The following NME7 variants were observed in gnomAD, a reference collection of about 807,000 sequenced individuals.
The protein encoded by NME7 is NME/NM23 family member 7, also known as nucleoside diphosphate kinase 7.
Under a neutral mutation model 49.1 loss-of-function variants are expected in NME7, and 41 were observed. That is an observed-to-expected ratio of 0.83 (90% CI 0.65 to 1.08). NME7 has a LOEUF of 1.08. NME7 is among the 50% of genes least tolerant of loss of function. The probability of loss-of-function intolerance (pLI) is 0.00; values close to 1 mark genes in which losing one functional copy is unlikely to be tolerated. For synonymous variants in NME7, 139 were observed against 150.6 expected (o/e 0.92, Z 0.56); for missense variants, 423 against 463.4 (o/e 0.91, Z 0.80).
rs1425318174 is a variant in NME7 at position 169,256,517 on chromosome 1, C to T, written c.755-18830G>A. On this transcript the variant is annotated intron_variant, in intron 7 of 11. Transcript: ENST00000367811. Reference sequence around the variant, plus strand: ...CTTTGCCTTTGGTTTGAATGCCCTCCAGTAGCTCAGAGTAATTTGATCGTC... The same window carrying T: ...CTTTGCCTTTGGTTTGAATGCCCTCTAGTAGCTCAGAGTAATTTGATCGTC... Among the ~76,000 whole-genome samples the T allele has an allele frequency of 3.8e-5, 5 of 133,224 alleles. 1 individual carries two copies. Among genetic ancestry groups the T allele is most frequent in the African/African-American group, 1.3e-4 (5 of 39,078 alleles). 87.4% of individuals were successfully genotyped at this position (133,224 alleles called of 152,430 possible). A position where few individuals can be genotyped will look rare whatever the true frequency, so the allele number is the denominator to read the frequency against.
At chr1:169,327,436 ATCTTAAAG>A (rs1652100063) in intron 1 of NME7, among the ~76,000 whole-genome samples, 1 of 152,196 alleles carries the variant, frequency 6.6e-6, no homozygotes, top group Admixed American at 6.5e-5. Context: ...TGTTCCAGAA[ATCTTAAAG>A]TCTTAAAGGA....
At chr1:169,160,423 T>C (rs1659210945) in intron 11 of NME7, among the ~76,000 whole-genome samples, 2 of 152,156 alleles carry the variant, frequency 1.3e-5, no homozygotes, top group South Asian at 2.1e-4. Flanking sequence ...ACTTTCTCCA[T>C]GGCCACTTCA....
chr1:169,274,132 A>T lies in NME7; in HGVS notation c.754+13171T>A, dbSNP rs567294408. ...CCACATCCTCTCCAGCACCTGTTGT[A>T]TCCTGACTTTTTAATGATTGCCATT... On this transcript the variant is annotated intron_variant, in intron 7 of 11. Coordinates refer to ENST00000367811, the MANE Select transcript of NME7 (RefSeq NM_013330.5). Among the ~76,000 whole-genome samples the T allele has an allele frequency of 1.8e-4, 23 of 130,742 alleles. 2 individuals are homozygous for T. Among genetic ancestry groups the T allele is most frequent in the African/African-American group, 4.4e-4 (17 of 38,890 alleles). 85.8% of individuals were successfully genotyped at this position (130,742 alleles called of 152,430 possible).
intron 11 of NME7, among the ~76,000 whole-genome samples, chr1:169,151,509 G>A (rs115175590): frequency 0.018 from 2,668 of 152,174 alleles, 73 homozygotes; most frequent in African/African-American, 0.058. Flanking sequence ...GGTGGCCCTC[G>A]GTGACCCAGG....
intron 11 of NME7, among the ~76,000 whole-genome samples, chr1:169,151,932 A>C (rs1658927200): frequency 6.6e-6 from 1 of 152,128 alleles, no homozygotes; most frequent in Non-Finnish European, 1.5e-5. Flanking sequence ...TAAATTTCCA[A>C]TTTATCTTTA....
chr1:169,258,391 TATATATATATATATAC>T lies in NME7; in HGVS notation c.755-20720_755-20705del, dbSNP rs1426993654. Among the ~76,000 whole-genome samples the T allele has an allele frequency of 4.7e-5, 4 of 84,822 alleles. 1 individual carries two copies. The highest frequency in any genetic ancestry group is 7.0e-5 in the Non-Finnish European group (3 of 42,754). The allele number at this position is 84,822 out of a possible 152,430, so 55.6% of individuals were successfully genotyped here. A position where few individuals can be genotyped will look rare whatever the true frequency, so the allele number is the denominator to read the frequency against. On this transcript the variant is annotated intron_variant, in intron 7 of 11. Transcript: ENST00000367811. ...AAAATAAAACATATATATATATATA[TATATATATATATATAC>T]ACACACACACACACACATACACACA...
intron 7 of NME7, among the ~76,000 whole-genome samples, chr1:169,242,014 C>T (rs1289793407): frequency 3.9e-5 from 6 of 151,944 alleles, no homozygotes; most frequent in Non-Finnish European, 5.9e-5. Context: ...GTCTTGAACT[C>T]CTAGGCTCAA....
chr1:169,323,967 C>A (rs927250032), intron 2 of NME7, among the ~76,000 whole-genome samples: 2 of 151,260 alleles, frequency 1.3e-5, no homozygotes, highest in African/African-American at 4.9e-5. Context: ...TATTCTCCTG[C>A]CTCAGCCTCC....
chr1:169,303,641 G>A (rs1254084939), intron 4 of NME7, among the ~76,000 whole-genome samples: 1 of 151,760 alleles, frequency 6.6e-6, no homozygotes, highest in African/African-American at 2.4e-5. Flanking sequence ...TACTAGAGAT[G>A]GGGTTTCACC....
At chr1:169,208,631 C>T (rs1406374455) in intron 10 of NME7, among the ~76,000 whole-genome samples, 2 of 152,068 alleles carry the variant, frequency 1.3e-5, no homozygotes, top group South Asian at 2.1e-4. Context: ...ATTTCTGTAG[C>T]TCTGAAAGTA....
chr1:169,184,138 G>GT (rs1264552564), intron 10 of NME7, among the ~76,000 whole-genome samples: 5 of 149,536 alleles, frequency 3.3e-5, no homozygotes, highest in Admixed American at 6.6e-5. Flanking sequence ...CACTTACATT[G>GT]TTTTTAAAAA....
intron 11 of NME7, among the ~76,000 whole-genome samples, chr1:169,140,208 G>T (rs1401976491): frequency 2.0e-5 from 3 of 152,148 alleles, no homozygotes; most frequent in African/African-American, 7.2e-5. Flanking sequence ...TAGGTAAAGG[G>T]CTTGTGGAAA....
intron 10 of NME7, among the ~76,000 whole-genome samples, chr1:169,174,987 T>C (rs1659711648): frequency 6.6e-6 from 1 of 151,844 alleles, no homozygotes; most frequent in African/African-American, 2.4e-5. Context: ...TATTTCACTT[T>C]ATAAACTTCT....
chr1:169,314,433 T>G (rs891112608), intron 3 of NME7, among the ~76,000 whole-genome samples: 1 of 151,860 alleles, frequency 6.6e-6, no homozygotes, highest in Non-Finnish European at 1.5e-5. Flanking sequence ...GTGTAAATAC[T>G]AACTGTATAT....
chr1:169,183,759 G>A (rs966577445), intron 10 of NME7, among the ~76,000 whole-genome samples: 2 of 151,760 alleles, frequency 1.3e-5, no homozygotes, highest in Admixed American at 1.3e-4. Flanking sequence ...CCGAGATCAC[G>A]CCACTGTGCT....
chr1:169,247,521 T>G (rs1442352195), intron 7 of NME7, among the ~76,000 whole-genome samples: 2 of 152,140 alleles, frequency 1.3e-5, no homozygotes, highest in Non-Finnish European at 2.9e-5. Context: ...GGGGTACAAG[T>G]GGTTTTGGTC....
intron 1 of NME7, among the ~76,000 whole-genome samples, chr1:169,364,608 G>C (rs910464011): frequency 2.0e-5 from 3 of 152,130 alleles, no homozygotes; most frequent in Non-Finnish European, 4.4e-5. Context: ...CACTGGGTCT[G>C]GAAGTGAATC....
chr1:169,188,212 C>T (rs1241127233), intron 10 of NME7, among the ~76,000 whole-genome samples: 1 of 152,008 alleles, frequency 6.6e-6, no homozygotes, highest in Non-Finnish European at 1.5e-5. Context: ...TTGGAGAGTA[C>T]ATCAGAAAAT....
intron 10 of NME7, among the ~76,000 whole-genome samples, chr1:169,202,388 T>C (rs1660575846): frequency 1.3e-5 from 2 of 152,198 alleles, no homozygotes; most frequent in South Asian, 4.1e-4. Flanking sequence ...TTTTGCCATG[T>C]GACATGCCTG....
Sources: allele counts gnomAD v4.1 joint callset (sites outside exome capture counted in the v4.1 genomes callset), GRCh38; gene constraint gnomAD v4.1.1; transcripts MANE v1.5; gene names NCBI Gene and HGNC (gene_info 2026-07-23, HGNC 2026-07-21).